TIA1: variants seen among roughly 807,000 people sequenced by gnomAD.
TIA1 encodes the protein TIA1 cytotoxic granule associated RNA binding protein, also known as cytotoxic granule associated RNA binding protein TIA1.
In TIA1, 23 loss-of-function variants were observed where a neutral mutation model predicts 65.9. That is an observed-to-expected ratio of 0.35 (90% CI 0.25 to 0.49). The LOEUF (loss-of-function observed/expected upper bound fraction) is 0.49. Among genes scored for constraint, TIA1 ranks in the 20% least tolerant of loss-of-function variants. The pLI is 0.98. For synonymous variants in TIA1, 147 were observed against 149.4 expected (o/e 0.98, Z 0.12); for missense variants, 371 against 477.9 (o/e 0.78, Z 2.09).
chr2:70,217,104 G>T (rs1678930948), intron 7 of TIA1, 110 bp from the exon 8 acceptor site: 2 of 1,117,618 alleles, frequency 1.8e-6, no homozygotes, highest in East Asian at 2.5e-5. Context: ...AAGTGAAAAT[G>T]CTCTATGAAA....
chr2:70,228,898 C>G (rs1014012295), intron 5 of TIA1, 161 bp downstream of exon 5: 1 of 1,461,566 alleles, frequency 6.8e-7, no homozygotes, highest in African/African-American at 1.4e-5. Context: ...ACAAGTTATA[C>G]TTGGTCAACA....
At chr2:70,242,871 C>T (rs889515388) in intron 1 of TIA1, among the ~76,000 whole-genome samples, 2 of 152,028 alleles carry the variant, frequency 1.3e-5, no homozygotes, top group African/African-American at 4.8e-5. Context: ...CAGTTTCATC[C>T]TGAAACCATC....
rs541283375 is a variant in TIA1, at chr2:70,224,473, A to G, written c.474+81T>C. On this transcript the variant is annotated intron_variant, in intron 7 of 12. Transcript: ENST00000433529. ...TCATCAGTAAAATAAACAGCAGACG[A>G]AAAAAAGATTAGTAATTAAAACGGA... 2.2e-5 allele frequency: 33 copies of G among 1,532,344 alleles called. No homozygotes were observed. The East Asian group carries it at 7.0e-4, about 33-fold the overall frequency. 94.9% of individuals were successfully genotyped at this position (1,532,344 alleles called of 1,614,324 possible).
intron 5 of TIA1, chr2:70,228,834 G>A: frequency 7.1e-7 from 1 of 1,415,204 alleles, no homozygotes; most frequent in Non-Finnish European, 9.2e-7. Flanking sequence ...TAGTTCTAAG[G>A]CATCAGCTGC....
intron 7 of TIA1, among the ~76,000 whole-genome samples, chr2:70,220,040 T>G (rs1272281141): frequency 6.6e-6 from 1 of 152,008 alleles, no homozygotes; most frequent in Non-Finnish European, 1.5e-5. Flanking sequence ...GGAAACAGGG[T>G]CTTTGCCGAA....
intron 2 of TIA1, among the ~76,000 whole-genome samples, chr2:70,235,112 G>C (rs1322493041): frequency 6.6e-6 from 1 of 151,954 alleles, no homozygotes; most frequent in African/African-American, 2.4e-5. Flanking sequence ...CTTTAACATA[G>C]CCTTTCCCAT....
At chr2:70,240,553 A>C (rs1281511711) in intron 1 of TIA1, among the ~76,000 whole-genome samples, 1 of 152,178 alleles carries the variant, frequency 6.6e-6, no homozygotes, top group African/African-American at 2.4e-5. Context: ...GCAAGACCTC[A>C]TTTCTAAGAT....
At chr2:70,227,882 A>G in intron 5 of TIA1, 60 bp from the exon 6 acceptor site, 2 of 1,129,316 alleles carry the variant, frequency 1.8e-6, no homozygotes, top group South Asian at 2.8e-5. Context: ...TTTAAAAAGT[A>G]CTAAAATCTA....
chr2:70,212,906 T>G, intron 12 of TIA1, 61 bp from the exon 13 acceptor site: 1 of 1,130,618 alleles, frequency 8.8e-7, no homozygotes, highest in Non-Finnish European at 1.3e-6. Flanking sequence ...AATAAAGTAT[T>G]GGCAAGAACA....
rs1677658882 is a variant in TIA1, at chr2:70,214,406, C to T, written c.977G>A (p.Gly326Asp). 1 of 1,613,878 alleles carries T rather than the reference C, an allele frequency of 6.2e-7. No individual in the cohort carries two copies. Among genetic ancestry groups the T allele is most frequent in the African/African-American group, 1.3e-5 (1 of 74,912 alleles). Residue 326 changes from glycine to aspartate, a missense_variant, in exon 12 of 13, where the codon GGT becomes GAT. Physicochemically the swap from Gly to Asp is moderately conservative, Grantham distance 94. Coordinates refer to ENST00000433529, the MANE Select transcript of TIA1 (RefSeq NM_022173.4). ...AQQIGQYMPN[G>D]WQVPAYGMYG... Reference sequence around the variant, plus strand: ...CATTCCATATGCAGGAACTTGCCAACCATTAGGCATATACTGGCCAATTTG... The same window carrying T: ...CATTCCATATGCAGGAACTTGCCAATCATTAGGCATATACTGGCCAATTTG...
chr2:70,215,428 A>T lies in TIA1; in HGVS notation c.831T>A (p.His277Gln). The change falls in exon 11 of 13, where the codon CAT becomes CAA. Residue 277 changes from histidine (H) to glutamine (Q), a missense_variant. Transcript: ENST00000433529. ...CTTTGCCCCAATAGCATTTCACAAC[A>T]TGACCTTCAATGGTAGTACCATTAA... ...VSVNGTTIEG[H>Q]VVKCYWGKET... 6.2e-7 allele frequency: 1 copy of T among 1,614,034 alleles called. No homozygotes were observed. Among genetic ancestry groups the T allele is most frequent in the Non-Finnish European group, 8.5e-7 (1 of 1,179,922 alleles).
chr2:70,215,753 AT>A (rs905801768), intron 10 of TIA1: 5,731 of 285,612 alleles, frequency 0.02, no homozygotes, highest in Middle Eastern at 0.035. Context: ...AGAAATTTCA[AT>A]TTTTTTTTTT....
chr2:70,227,617 T>C lies in TIA1; in HGVS notation c.398+118A>G, dbSNP rs543787637. On this transcript the variant is annotated intron_variant, in intron 6 of 12. Transcript: ENST00000433529. ...CTTGAATGATCTCTAAACAATGTAA[T>C]ACATTATATTCAAGTTATAAAATTA... The C allele has an allele frequency of 9.6e-6, 6 of 623,800 alleles. 1 individual carries two copies. The highest frequency in any genetic ancestry group is 9.6e-5 in the Admixed American group (3 of 31,270). The allele number at this position is 623,800 out of a possible 1,614,324, so 38.6% of individuals were successfully genotyped here.
chr2:70,223,199 C>T (rs531613953), intron 7 of TIA1, among the ~76,000 whole-genome samples: 1 of 152,128 alleles, frequency 6.6e-6, no homozygotes. Context: ...ATGAATCAAT[C>T]CTCTAAGGAA....
intron 6 of TIA1, chr2:70,225,165 A>G (rs1387038318): frequency 2.0e-6 from 2 of 1,019,778 alleles, no homozygotes; most frequent in Middle Eastern, 4.7e-4. Flanking sequence ...ATTTTCAGAA[A>G]TGTTAAATCA....
At chr2:70,226,072 G>A (rs1340042151) in intron 6 of TIA1, among the ~76,000 whole-genome samples, 2 of 151,886 alleles carry the variant, frequency 1.3e-5, no homozygotes, top group Middle Eastern at 3.2e-3. Flanking sequence ...ATGCAGGAAA[G>A]CTAATTCCTT....
chr2:70,227,896 A>G (rs1684491996), intron 5 of TIA1, 74 bp from the exon 6 acceptor site: 1 of 972,390 alleles, frequency 1.0e-6, no homozygotes, highest in Non-Finnish European at 1.6e-6. Flanking sequence ...AAATCTATCC[A>G]ATAAAGTATT....
At chr2:70,230,084 A>T (rs1232837834) in intron 3 of TIA1, among the ~76,000 whole-genome samples, 1 of 151,966 alleles carries the variant, frequency 6.6e-6, no homozygotes, top group Non-Finnish European at 1.5e-5. Context: ...TCTACTAAAA[A>T]TACAAAAAAT....
At chr2:70,233,582 A>G (rs1687468949) in intron 2 of TIA1, among the ~76,000 whole-genome samples, 1 of 152,122 alleles carries the variant, frequency 6.6e-6, no homozygotes, top group African/African-American at 2.4e-5. Flanking sequence ...CCTGGCCAAC[A>G]TGGTGAAACC....
Sources: allele counts gnomAD v4.1 joint callset (sites outside exome capture counted in the v4.1 genomes callset), GRCh38; gene constraint gnomAD v4.1.1; transcripts MANE v1.5; gene names NCBI Gene and HGNC (gene_info 2026-07-23, HGNC 2026-07-21).